Variants in CACNA1D observed in about 807,000 individuals in gnomAD.
CACNA1D encodes calcium voltage-gated channel subunit alpha1 D.
In CACNA1D, 55 loss-of-function variants were observed where a neutral mutation model predicts 257.1. The ratio of observed to expected loss-of-function variants is 0.21; its 90% CI spans 0.17 to 0.27. The LOEUF is 0.27. Ranked by LOEUF, CACNA1D falls within the 10% of genes least tolerant of loss-of-function variation. CACNA1D has a pLI of 1.00. For synonymous variants in CACNA1D, 980 were observed against 1,014.9 expected, an observed-to-expected ratio of 0.97 and a Z score of 0.65; for missense variants, 1,876 against 2,784.0, an observed-to-expected ratio of 0.67 and a Z score of 7.34.
At chr3:53,804,123 A>G (rs2095549988) in intron 44 of CACNA1D, among the ~76,000 whole-genome samples, 1 of 152,146 alleles carries the variant, frequency 6.6e-6, no homozygotes, top group South Asian at 2.1e-4. Context: ...CTGCTTTAGG[A>G]GGCGTAGCAG....
chr3:53,769,361 G>C (rs1291072481), intron 30 of CACNA1D, among the ~76,000 whole-genome samples: 1 of 152,248 alleles, frequency 6.6e-6, no homozygotes, highest in Non-Finnish European at 1.5e-5. Flanking sequence ...AAAGCTGTCT[G>C]AGCTGTGGGG....
At chr3:53,707,375 A>T (rs1038532035) in intron 9 of CACNA1D, among the ~76,000 whole-genome samples, 2 of 152,156 alleles carry the variant, frequency 1.3e-5, no homozygotes, top group Non-Finnish European at 2.9e-5. Flanking sequence ...CCAGGATGCT[A>T]TCAGTGGCTG....
intron 29 of CACNA1D, among the ~76,000 whole-genome samples, chr3:53,760,848 C>G (rs2095297251): frequency 2.0e-5 from 3 of 152,308 alleles, no homozygotes; most frequent in South Asian, 2.1e-4. Context: ...ATGTCAAGCA[C>G]TGACTGGGTT....
chr3:53,709,930 C>A (rs1457841884), intron 9 of CACNA1D, among the ~76,000 whole-genome samples: 1 of 152,222 alleles, frequency 6.6e-6, no homozygotes, highest in African/African-American at 2.4e-5. Flanking sequence ...AACCTGTCCA[C>A]AGTCTTCTGA....
intron 3 of CACNA1D, among the ~76,000 whole-genome samples, chr3:53,586,313 T>TGTGTGTG (rs1553738925): frequency 6.6e-6 from 1 of 151,644 alleles, no homozygotes; most frequent in South Asian, 2.1e-4. Context: ...TGTGTGTGTG[T>TGTGTGTG]GTGTGTGCAT....
chr3:53,746,579 G>C (rs2095171206), intron 25 of CACNA1D, among the ~76,000 whole-genome samples: 1 of 152,054 alleles, frequency 6.6e-6, no homozygotes, highest in Admixed American at 6.5e-5. Context: ...ATTGGTTTGG[G>C]GTTTATTTTA....
intron 3 of CACNA1D, among the ~76,000 whole-genome samples, chr3:53,635,088 C>T (rs1223098646): frequency 6.6e-6 from 1 of 152,190 alleles, no homozygotes; most frequent in East Asian, 1.9e-4. Flanking sequence ...CTATATTGAG[C>T]ACCTTTGCCA....
At chr3:53,666,262 G>A (rs1475538798) in intron 6 of CACNA1D, 77 bp from the exon 7 acceptor site, 20 of 1,386,864 alleles carry the variant, frequency 1.4e-5, no homozygotes, top group Non-Finnish European at 1.9e-5. Flanking sequence ...GCTCTGGCAA[G>A]GGTTCTCACC....
intron 8 of CACNA1D, among the ~76,000 whole-genome samples, chr3:53,679,961 A>C (rs995074429): frequency 2.6e-5 from 4 of 152,194 alleles, no homozygotes; most frequent in Admixed American, 2.6e-4. Context: ...TCCTTTTTCT[A>C]ATAAAGAACC....
chr3:53,648,785 T>C (rs2094051490), intron 3 of CACNA1D, among the ~76,000 whole-genome samples: 1 of 151,014 alleles, frequency 6.6e-6, no homozygotes, highest in Non-Finnish European at 1.5e-5. Context: ...GAGCTAGGCT[T>C]TCTAAATTAA....
chr3:53,656,294 T>G (rs538615764), intron 4 of CACNA1D, among the ~76,000 whole-genome samples: 1 of 152,284 alleles, frequency 6.6e-6, no homozygotes. Context: ...TTAAAAAAAT[T>G]TTTTTTCTAG....
intron 8 of CACNA1D, among the ~76,000 whole-genome samples, chr3:53,680,027 C>A (rs1034663204): frequency 6.6e-6 from 1 of 152,210 alleles, no homozygotes; most frequent in Non-Finnish European, 1.5e-5. Flanking sequence ...GCAGAGTTAA[C>A]AGCTGTTGGG....
chr3:53,805,630 A>T (rs1175946251), intron 45 of CACNA1D, among the ~76,000 whole-genome samples: 4 of 152,038 alleles, frequency 2.6e-5, no homozygotes, highest in Non-Finnish European at 5.9e-5. Flanking sequence ...CCACCTGGGC[A>T]TTCTGGTGTC....
chr3:53,614,350 C>T (rs945905734), intron 3 of CACNA1D, among the ~76,000 whole-genome samples: 8 of 152,076 alleles, frequency 5.3e-5, no homozygotes, highest in African/African-American at 1.9e-4. Context: ...TGGAATTTGC[C>T]AGAAATCCGC....
rs182610244 is a variant in CACNA1D, at chr3:53,596,725, A to G, written c.484-54054A>G. Among the ~76,000 whole-genome samples, 3 of 152,340 alleles carry G rather than the reference A, an allele frequency of 2.0e-5. No individual in the cohort carries two copies. The East Asian group carries it at 5.8e-4, about 29-fold the overall frequency. On this transcript the variant is annotated intron_variant, in intron 3 of 47. Transcript: ENST00000350061. ...AAACAGGTTCAGCCCTAGAGCCTCC[A>G]GAGGAGCACAGTCCTGCTGACATCC... is the stretch of plus-strand genomic sequence containing the variant.
chr3:53,706,277 G>A (rs967910585), intron 9 of CACNA1D, among the ~76,000 whole-genome samples: 5 of 152,194 alleles, frequency 3.3e-5, no homozygotes, highest in African/African-American at 1.2e-4. Context: ...TGATAGCCGA[G>A]CCTCAGCCTA....
intron 3 of CACNA1D, among the ~76,000 whole-genome samples, chr3:53,612,828 A>G (rs925903319): frequency 6.6e-5 from 10 of 152,184 alleles, no homozygotes; most frequent in Non-Finnish European, 1.5e-5. Flanking sequence ...CCCATCTCTC[A>G]GGCATTACAG....
rs577429001 is a variant in CACNA1D at position 53,800,479 on chromosome 3, G to A, written c.5040+114G>A. On this transcript the variant is annotated intron_variant, in intron 41 of 47. Coordinates refer to ENST00000350061, the MANE Select transcript of CACNA1D (RefSeq NM_001128840.3). This position sits in a 1 kb window ranked among gnomAD's most constrained non-coding sequence, Gnocchi z 4.3. ...TCTGGAGAATGCAGCCCATCCCCAG[G>A]GCCTAGAGGGGCTTTCAGACCACAC... is the stretch of plus-strand genomic sequence containing the variant. 7 of 803,156 alleles carry A rather than the reference G, an allele frequency of 8.7e-6. No individual in the cohort carries two copies. The highest frequency in any genetic ancestry group is 8.4e-5 in the African/African-American group (5 of 59,706). The allele number at this position is 803,156 out of a possible 1,614,324, so 49.8% of individuals were successfully genotyped here.
intron 14 of CACNA1D, among the ~76,000 whole-genome samples, chr3:53,726,493 C>T (rs916457531): frequency 3.9e-5 from 6 of 151,978 alleles, no homozygotes; most frequent in African/African-American, 1.4e-4. Context: ...AAAAATTAGC[C>T]GAGTGTGGTG....
Sources: gnomAD v4.1 joint callset for allele counts (sites outside exome capture counted in the v4.1 genomes callset) on GRCh38, gnomAD v4.1.1 for gene constraint, Gnocchi (gnomAD v3.1) non-coding constraint, MANE v1.5 for transcripts, NCBI Gene and HGNC (gene_info 2026-07-23, HGNC 2026-07-21) for gene names.